MTRF1: variants seen among roughly 807,000 people sequenced by gnomAD.
MTRF1 encodes peptide chain release factor 1, mitochondrial.
MTRF1 carries 51 observed loss-of-function variants against 62.9 expected under a neutral mutation model. The observed-to-expected ratio is 0.81, with a 90% CI of 0.65 to 1.02. The LOEUF (loss-of-function observed/expected upper bound fraction) is 1.02, where lower values mean the gene tolerates loss of function less well. Among genes scored for constraint, MTRF1 ranks in the 50% least tolerant of loss-of-function variants. The probability of loss-of-function intolerance (pLI) is 0.00; values close to 1 mark genes in which losing one functional copy is unlikely to be tolerated. For synonymous variants in MTRF1, 158 were observed against 181.9 expected, an observed-to-expected ratio of 0.87 and a Z score of 1.06; for missense variants, 446 against 530.0, an observed-to-expected ratio of 0.84 and a Z score of 1.56.
chr13:41,250,789 G>C (rs762491896), intron 5 of MTRF1, among the ~76,000 whole-genome samples: 1 of 152,118 alleles, frequency 6.6e-6, no homozygotes, highest in Non-Finnish European at 1.5e-5. Context: ...TTTCTAAGTG[G>C]ATGCTCACTA....
At chr13:41,301,499 G>A in the MTRF1 span, among the ~76,000 whole-genome samples, 1 of 152,174 alleles carries the variant, frequency 6.6e-6, no homozygotes, top group Non-Finnish European at 1.5e-5. Context: ...TGTAATGTCA[G>A]CACTTCGGGA....
At chr13:41,283,585 C>CTTT in the MTRF1 span, among the ~76,000 whole-genome samples, 1,150 of 83,526 alleles carry the variant, frequency 0.014, 221 homozygotes, top group African/African-American at 0.023. Flanking sequence ...CTCTGACAAT[C>CTTT]TTTTTTTTTT....
chr13:41,286,445 A>G, the MTRF1 span, among the ~76,000 whole-genome samples: 1 of 152,236 alleles, frequency 6.6e-6, no homozygotes, highest in Non-Finnish European at 1.5e-5. Flanking sequence ...GATTTTATGT[A>G]TAATACTTAC....
chr13:41,297,476 G>C, the MTRF1 span, among the ~76,000 whole-genome samples: 1 of 152,060 alleles, frequency 6.6e-6, no homozygotes, highest in Admixed American at 6.6e-5. Context: ...GATTTTGCCA[G>C]TAACTTGCCA....
intron 3 of MTRF1, among the ~76,000 whole-genome samples, chr13:41,254,189 A>G (rs1277712463): frequency 6.6e-6 from 1 of 152,136 alleles, no homozygotes; most frequent in Non-Finnish European, 1.5e-5. Flanking sequence ...CTTAATTAAC[A>G]GCCACCATGA....
chr13:41,262,965 C>G (rs2040633680), intron 1 of MTRF1, among the ~76,000 whole-genome samples: 1 of 152,120 alleles, frequency 6.6e-6, no homozygotes, highest in Admixed American at 6.5e-5. Flanking sequence ...TATTCAGTTT[C>G]CAGAGTTCTA....
At chr13:41,286,088 C>CAAAAAAAAAAAAAAAAA in the MTRF1 span, among the ~76,000 whole-genome samples, 3 of 110,062 alleles carry the variant, frequency 2.7e-5, no homozygotes, top group African/African-American at 3.7e-5. Context: ...ACAACAACAA[C>CAAAAAAAAAAAAAAAAA]AAAAAAAAAA....
intron 5 of MTRF1, among the ~76,000 whole-genome samples, chr13:41,250,814 A>G (rs2038977058): frequency 6.6e-6 from 1 of 152,220 alleles, no homozygotes. Context: ...CTCAAACTTA[A>G]TGATTCAAAA....
At chr13:41,311,465 CGCGAAGCGGA>C in the MTRF1 span, 6 of 1,515,898 alleles carry the variant, frequency 4.0e-6, no homozygotes, top group Non-Finnish European at 5.4e-6. Context: ...TGCCCACCCC[CGCGAAGCGGA>C]GCGCCCGGGC....
chr13:41,278,433 T>C, the MTRF1 span, among the ~76,000 whole-genome samples: 18 of 152,346 alleles, frequency 1.2e-4, no homozygotes, highest in South Asian at 1.9e-3. Context: ...TAGGATTCCA[T>C]TGGTTACTTG....
At chr13:41,278,954 A>T in the MTRF1 span, among the ~76,000 whole-genome samples, 1 of 152,116 alleles carries the variant, frequency 6.6e-6, no homozygotes, top group African/African-American at 2.4e-5. Flanking sequence ...CCTTTTCGGA[A>T]TTACTGATAA....
intron 5 of MTRF1, among the ~76,000 whole-genome samples, chr13:41,246,002 C>T (rs1450847066): frequency 5.9e-5 from 9 of 151,892 alleles, no homozygotes; most frequent in Non-Finnish European, 1.3e-4. Context: ...GTCATGCAGG[C>T]TAGACTGCTC....
the MTRF1 span, among the ~76,000 whole-genome samples, chr13:41,284,508 C>T: frequency 6.8e-6 from 1 of 146,836 alleles, no homozygotes; most frequent in Admixed American, 6.8e-5. Context: ...TAGGCCACTG[C>T]ACTCCAGCCT....
At chr13:41,267,944 T>C (rs1429519680), upstream of MTRF1, among the ~76,000 whole-genome samples, 1 of 152,154 alleles carries the variant, frequency 6.6e-6, no homozygotes, top group African/African-American at 2.4e-5. Context: ...TTAATCTTAT[T>C]ATTATTATTT....
At chr13:41,280,709 A>G in the MTRF1 span, among the ~76,000 whole-genome samples, 1 of 152,162 alleles carries the variant, frequency 6.6e-6, no homozygotes, top group African/African-American at 2.4e-5. Context: ...GGGCTGTGTT[A>G]CACGCCACTG....
upstream of MTRF1, among the ~76,000 whole-genome samples, chr13:41,265,854 G>GT (rs1018903859): frequency 6.6e-6 from 1 of 151,632 alleles, no homozygotes; most frequent in Non-Finnish European, 1.5e-5. Context: ...TTGTTTTTTT[G>GT]TTTTTTTGTT....
At chr13:41,220,342 A>C (rs1042108542) in intron 9 of MTRF1, among the ~76,000 whole-genome samples, 16 of 151,796 alleles carry the variant, frequency 1.1e-4, no homozygotes, top group South Asian at 6.2e-4. Flanking sequence ...AAAAAAAAAA[A>C]AAAACAGGAA....
At chr13:41,311,456 G>A in the MTRF1 span, 101 of 1,449,324 alleles carry the variant, frequency 7.0e-5, no homozygotes, top group Middle Eastern at 6.9e-4. Context: ...TCGTCCCGGT[G>A]CCCACCCCCG....
chr13:41,251,344 C>T (rs2039033919), intron 5 of MTRF1, among the ~76,000 whole-genome samples: 1 of 152,176 alleles, frequency 6.6e-6, no homozygotes, highest in Non-Finnish European at 1.5e-5. Flanking sequence ...AAAATAATCT[C>T]CTTAAAATAT....
Sources: allele counts gnomAD v4.1 joint callset (sites outside exome capture counted in the v4.1 genomes callset), GRCh38; gene constraint gnomAD v4.1.1; transcripts MANE v1.5; gene names NCBI Gene and HGNC (gene_info 2026-07-23, HGNC 2026-07-21).